The following NRG1 variants were observed in gnomAD, a reference collection of about 807,000 sequenced individuals.
The protein encoded by NRG1 is pro-neuregulin-1, membrane-bound isoform.
NRG1 carries 18 observed loss-of-function variants against 63.8 expected under a neutral mutation model. The ratio of observed to expected loss-of-function variants is 0.28; its 90% CI spans 0.19 to 0.42. The LOEUF (loss-of-function observed/expected upper bound fraction) is 0.42. NRG1 is among the 10% of genes least tolerant of loss of function. The pLI, the probability that NRG1 is intolerant of heterozygous loss-of-function variation, is 1.00. For synonymous variants in NRG1, 302 were observed against 301.3 expected (o/e 1.00, Z -0.02); for missense variants, 762 against 814.7 (o/e 0.94, Z 0.79).
At chr8:32,069,343 C>T (rs950300302) in intron 1 of NRG1, among the ~76,000 whole-genome samples, 4 of 152,130 alleles carry the variant, frequency 2.6e-5, no homozygotes, top group East Asian at 1.9e-4. Context: ...TCATTGAGCA[C>T]GGGCTTTGAG....
intron 1 of NRG1, among the ~76,000 whole-genome samples, chr8:32,508,348 T>C (rs1828787742): frequency 6.6e-6 from 1 of 151,780 alleles, no homozygotes; most frequent in Non-Finnish European, 1.5e-5. Context: ...TGGAGTGTAG[T>C]GGTGCGATCG....
chr8:32,486,309 T>C (rs748613169), intron 1 of NRG1, among the ~76,000 whole-genome samples: 2 of 152,114 alleles, frequency 1.3e-5, no homozygotes, highest in Admixed American at 1.3e-4. Context: ...CTTATTCAGA[T>C]AGCTAACAAA....
intron 1 of NRG1, among the ~76,000 whole-genome samples, chr8:32,413,394 T>C (rs898513912): frequency 6.6e-6 from 1 of 152,176 alleles, no homozygotes; most frequent in African/African-American, 2.4e-5. Flanking sequence ...CTAAATATAC[T>C]GTATGCTCGA....
chr8:31,862,264 G>A (rs1828536323), intron 1 of NRG1, among the ~76,000 whole-genome samples: 1 of 152,176 alleles, frequency 6.6e-6, no homozygotes, highest in African/African-American at 2.4e-5. Context: ...AGTTGGGAGA[G>A]TGGGAGAGAT....
intron 1 of NRG1, among the ~76,000 whole-genome samples, chr8:31,856,486 G>A (rs1240695454): frequency 1.3e-5 from 2 of 152,108 alleles, no homozygotes; most frequent in African/African-American, 2.4e-5. Context: ...GCACTTCTCT[G>A]TATTGGTTAT....
intron 1 of NRG1, among the ~76,000 whole-genome samples, chr8:32,112,095 G>A (rs1171959740): frequency 6.6e-6 from 1 of 152,162 alleles, no homozygotes; most frequent in Admixed American, 6.5e-5. Flanking sequence ...TTAAACTGCT[G>A]CCTCCAGTGT....
At chr8:31,907,001 G>A (rs1373355032) in intron 1 of NRG1, among the ~76,000 whole-genome samples, 1 of 152,080 alleles carries the variant, frequency 6.6e-6, no homozygotes, top group East Asian at 1.9e-4. Context: ...ATAAAATACA[G>A]AGCAAAAAGT....
intron 1 of NRG1, among the ~76,000 whole-genome samples, chr8:31,839,516 G>A (rs530316180): frequency 2.4e-4 from 36 of 152,232 alleles, no homozygotes; most frequent in East Asian, 3.9e-4. Flanking sequence ...GAGTCTAGCC[G>A]TATAAAGTTA....
At chr8:32,608,092 G>GTTTTTTTTTTT (rs1226154193) in intron 3 of NRG1, among the ~76,000 whole-genome samples, 24 of 106,184 alleles carry the variant, frequency 2.3e-4, no homozygotes, top group Middle Eastern at 5.6e-3. Flanking sequence ...GGTTTTTTTT[G>GTTTTTTTTTTT]TTTTTTTTTT....
chr8:32,008,739 C>T (rs1028060257), intron 1 of NRG1, among the ~76,000 whole-genome samples: 1 of 152,090 alleles, frequency 6.6e-6, no homozygotes, highest in African/African-American at 2.4e-5. Flanking sequence ...GGGGAACCCT[C>T]TGCTAGTTTT....
rs113964333 is a variant in NRG1, at chr8:32,239,721, A to C, written c.38-356107A>C. On this transcript the variant is annotated intron_variant, in intron 1 of 10. Transcript: ENST00000519301. ...TCTCAAAACTCCACAGTAAAATCCA[A>C]ACGATCCAATTAGGAAAATGGGCAA... 1.8e-4 allele frequency among the ~76,000 whole-genome samples: 27 copies of C among 152,304 alleles called. 1 individual carries two copies. Among genetic ancestry groups the C allele is most frequent in the African/African-American group, 5.5e-4 (23 of 41,574 alleles).
chr8:32,466,456 C>T (rs1823079196), intron 1 of NRG1, among the ~76,000 whole-genome samples: 1 of 151,692 alleles, frequency 6.6e-6, no homozygotes, highest in Non-Finnish European at 1.5e-5. Context: ...GTTCTGATGC[C>T]AGCATTGATG....
At chr8:31,769,364 T>C (rs1324172153) in intron 1 of NRG1, among the ~76,000 whole-genome samples, 1 of 152,190 alleles carries the variant, frequency 6.6e-6, no homozygotes, top group Admixed American at 6.6e-5. Flanking sequence ...ATATTCTGTG[T>C]TGACCCAAGT....
chr8:32,302,910 G>A (rs1855738937), intron 1 of NRG1, among the ~76,000 whole-genome samples: 1 of 152,154 alleles, frequency 6.6e-6, no homozygotes, highest in African/African-American at 2.4e-5. Flanking sequence ...GGCCGAGCAC[G>A]GGGGCTCACG....
At chr8:32,552,823 G>C (rs1479801009) in intron 1 of NRG1, among the ~76,000 whole-genome samples, 2 of 152,056 alleles carry the variant, frequency 1.3e-5, no homozygotes, top group African/African-American at 4.8e-5. Context: ...ATGAAAAAGA[G>C]GAGAAAAAAT....
chr8:32,509,122 C>A (rs10108127), intron 1 of NRG1, among the ~76,000 whole-genome samples: 1 of 150,664 alleles, frequency 6.6e-6, no homozygotes. Flanking sequence ...TTATTTTTTG[C>A]GACAGGGTCT....
chr8:32,498,961 T>A (rs984885204), intron 1 of NRG1, among the ~76,000 whole-genome samples: 1 of 152,162 alleles, frequency 6.6e-6, no homozygotes, highest in Non-Finnish European at 1.5e-5. Flanking sequence ...ACCTCCTTCA[T>A]CTCTACCCAG....
chr8:32,672,265 C>T (rs1307129425), intron 5 of NRG1, among the ~76,000 whole-genome samples: 6 of 152,094 alleles, frequency 3.9e-5, no homozygotes, highest in African/African-American at 1.2e-4. Flanking sequence ...AGGCTGGTCT[C>T]GAACTCCTGA....
At chr8:32,337,767 A>G (rs1803510892) in intron 1 of NRG1, among the ~76,000 whole-genome samples, 1 of 150,906 alleles carries the variant, frequency 6.6e-6, no homozygotes, top group South Asian at 2.1e-4. Flanking sequence ...CCAAGCCTGC[A>G]TATCCCTGCA....
Sources: allele counts gnomAD v4.1 joint callset (sites outside exome capture counted in the v4.1 genomes callset), GRCh38; gene constraint gnomAD v4.1.1; transcripts MANE v1.5; gene names NCBI Gene and HGNC (gene_info 2026-07-23, HGNC 2026-07-21).